CHEK1: variants seen among roughly 807,000 people sequenced by gnomAD.
CHEK1 encodes serine/threonine-protein kinase Chk1.
Under a neutral mutation model 60.2 loss-of-function variants are expected in CHEK1, and 32 were observed. The observed-to-expected ratio is 0.53, with a 90% CI of 0.40 to 0.71. The LOEUF is 0.71. Ranked by LOEUF, CHEK1 falls within the 30% of genes least tolerant of loss-of-function variation. The probability of loss-of-function intolerance (pLI) is 0.00; values close to 1 mark genes in which losing one functional copy is unlikely to be tolerated. For missense variants in CHEK1, 399 were observed against 564.6 expected, an observed-to-expected ratio of 0.71 and a Z score of 2.97; for synonymous variants, 179 against 187.2, an observed-to-expected ratio of 0.96 and a Z score of 0.36.
chr11:125,626,063 G>A (rs926035316), intron 1 of CHEK1, 51 bp downstream of exon 1: 5 of 683,612 alleles, frequency 7.3e-6, no homozygotes, highest in African/African-American at 1.8e-5. Flanking sequence ...GAAGGAGTTC[G>A]GGGTCTAGAT....
In CHEK1 at chr11:125,657,070, T is replaced by G. The variant is rs180885007; in HGVS notation, c.*1750T>G. ...ATAATAAGTTGCCTTAATTTTCCTG[T>G]AATGTTCATTATATTGTTGTGGGAA... On this transcript the variant is annotated 3_prime_UTR_variant, in exon 13 of 13. Transcript: ENST00000438015. The G allele has an allele frequency of 1.8e-4, 33 of 182,254 alleles. No homozygotes were observed. Among genetic ancestry groups the G allele is most frequent in the Admixed American group, 6.9e-4 (11 of 15,938 alleles). 11.3% of individuals were successfully genotyped at this position (182,254 alleles called of 1,614,324 possible). A position where few individuals can be genotyped will look rare whatever the true frequency, so the allele number is the denominator to read the frequency against.
chr11:125,626,240 G>A (rs890619486), intron 1 of CHEK1: 1 of 575,940 alleles, frequency 1.7e-6, no homozygotes, highest in African/African-American at 1.9e-5. Context: ...AGAACCCCAA[G>A]GAAGAGTCCC....
chr11:125,665,271 A>T (rs1942079806), intron 13 of CHEK1, among the ~76,000 whole-genome samples: 2 of 133,790 alleles, frequency 1.5e-5, no homozygotes, highest in African/African-American at 2.8e-5. Context: ...ATTGATGTTG[A>T]TATGTCATGT....
At chr11:125,658,821 G>C (rs1296060056), downstream of CHEK1, among the ~76,000 whole-genome samples, 2 of 151,014 alleles carry the variant, frequency 1.3e-5, no homozygotes, top group Non-Finnish European at 3.0e-5. Flanking sequence ...TTCTGAGCTG[G>C]GACTATAGCC....
At chr11:125,659,609 T>C (rs1231247213), downstream of CHEK1, among the ~76,000 whole-genome samples, 1 of 152,198 alleles carries the variant, frequency 6.6e-6, no homozygotes, top group African/African-American at 2.4e-5. Context: ...TTATATGATT[T>C]ATTTTTTGAT....
chr11:125,667,057 A>G (rs1417407197), intron 13 of CHEK1, among the ~76,000 whole-genome samples: 1 of 151,474 alleles, frequency 6.6e-6, no homozygotes, highest in Non-Finnish European at 1.5e-5. Flanking sequence ...ATTACATGGG[A>G]TAATTTCACG....
downstream of CHEK1, among the ~76,000 whole-genome samples, chr11:125,660,939 C>T (rs1942001833): frequency 6.6e-6 from 1 of 151,956 alleles, no homozygotes; most frequent in African/African-American, 2.4e-5. Flanking sequence ...CTACGCCTGG[C>T]TAATTTTTGT....
chr11:125,634,358 A>G (rs1179669990), intron 6 of CHEK1, among the ~76,000 whole-genome samples: 1 of 151,194 alleles, frequency 6.6e-6, no homozygotes, highest in Non-Finnish European at 1.5e-5. Flanking sequence ...GTCTCACTCT[A>G]TTGCCCAGGC....
Position 125,635,482 on chromosome 11 carries a change from G to GAA in CHEK1, c.675_676dup (p.Thr226LysfsTer15). ...CTGTCAGGAGTATTCTGACTGGAAA[G>GAA]AAAAAAAAACATACCTCAACCCTTG... On this transcript the variant is annotated frameshift_variant, in exon 7 of 13. Transcript: ENST00000438015. LOFTEE classifies it high-confidence loss of function. The GAA allele has an allele frequency of 1.3e-6, 2 of 1,576,794 alleles. No homozygotes were observed. Among genetic ancestry groups the GAA allele is most frequent in the South Asian group, 1.1e-5 (1 of 87,408 alleles).
At chr11:125,634,129 G>A (rs1275130939) in intron 6 of CHEK1, among the ~76,000 whole-genome samples, 1 of 151,302 alleles carries the variant, frequency 6.6e-6, no homozygotes, top group East Asian at 1.9e-4. Flanking sequence ...CAAGTAGCTG[G>A]GATTACAGGC....
At chr11:125,667,281 G>A (rs1282660778) in intron 13 of CHEK1, among the ~76,000 whole-genome samples, 1 of 152,054 alleles carries the variant, frequency 6.6e-6, no homozygotes, top group Non-Finnish European at 1.5e-5. Flanking sequence ...CTCGCATTAG[G>A]TCACTTAGTA....
At chr11:125,638,721 T>G (rs1941168512) in intron 8 of CHEK1, among the ~76,000 whole-genome samples, 1 of 152,098 alleles carries the variant, frequency 6.6e-6, no homozygotes. Flanking sequence ...CCTTTATGTC[T>G]CTCCCCTCTA....
In CHEK1 at chr11:125,641,213, A is replaced by G. The variant is rs180802048; in HGVS notation, c.815-2579A>G. On this transcript the variant is annotated intron_variant, in intron 8 of 12. Transcript: ENST00000438015. ...AGACCTCTTGTTTTATCTCATCAAT[A>G]TTTTATACAGTTGATCATGCCCTCC... is the stretch of plus-strand genomic sequence containing the variant. Among the ~76,000 whole-genome samples, 8 of 152,210 alleles carry G rather than the reference A, an allele frequency of 5.3e-5. No homozygotes were observed. The East Asian group carries it at 1.5e-3, about 29-fold the overall frequency.
chr11:125,637,319 T>C (rs1199531432), intron 7 of CHEK1, 130 bp from the exon 8 acceptor site: 1 of 604,244 alleles, frequency 1.7e-6, no homozygotes, highest in African/African-American at 1.9e-5. Context: ...TTAGTAGCTT[T>C]AATTCTTTCT....
rs189829306 is a variant in CHEK1, at chr11:125,656,102, G to A, written c.*782G>A. On this transcript the variant is annotated 3_prime_UTR_variant, in exon 13 of 13. Coordinates refer to ENST00000438015, the MANE Select transcript of CHEK1 (RefSeq NM_001114122.3). ...ATAAAAGAGGGAAGGGAAGAGTAAG[G>A]AAGCTATAAGAAAAATAGATCTGAT... 232 of 211,394 alleles carry A rather than the reference G, an allele frequency of 1.1e-3. No individual in the cohort carries two copies. The highest frequency in any genetic ancestry group is 4.6e-3 in the African/African-American group (204 of 44,296). The allele number at this position is 211,394 out of a possible 1,614,324, so 13.1% of individuals were successfully genotyped here.
chr11:125,639,274 G>A (rs1244905319), intron 8 of CHEK1, among the ~76,000 whole-genome samples: 1 of 151,890 alleles, frequency 6.6e-6, no homozygotes, highest in Non-Finnish European at 1.5e-5. Flanking sequence ...TTAAATTCAG[G>A]ATTACTAATC....
rs368960589 is a variant in CHEK1, at chr11:125,629,212, T to C, written c.290-20T>C. The C allele has an allele frequency of 2.5e-6, 4 of 1,612,530 alleles. No homozygotes were observed. In the African/African-American group the frequency reaches 4.0e-5, roughly 16 times the overall value. On this transcript the variant is annotated intron_variant, in intron 3 of 12. Coordinates refer to ENST00000438015, the MANE Select transcript of CHEK1 (RefSeq NM_001114122.3). Reference sequence around the variant, plus strand: ...CCTGATTATATTTAGTCAATAAACTTACTTTCATATTTGTTTTAGAGCCAG... The same window carrying C: ...CCTGATTATATTTAGTCAATAAACTCACTTTCATATTTGTTTTAGAGCCAG...
chr11:125,636,263 A>G (rs1941071066), intron 7 of CHEK1: 1 of 152,194 alleles, frequency 6.6e-6, no homozygotes, highest in South Asian at 2.1e-4. Context: ...GTGCGCAGCG[A>G]ACATTCTTCC....
Position 125,653,512 on chromosome 11 carries a change from G to C in CHEK1, c.1234-234G>C, listed in dbSNP as rs958097119. 2.6e-5 allele frequency among the ~76,000 whole-genome samples: 4 copies of C among 152,216 alleles called. No homozygotes were observed. Among genetic ancestry groups the C allele is most frequent in the Non-Finnish European group, 5.9e-5 (4 of 68,026 alleles). ...CACAGTGCCTGGCCTACACTCATCT[G>C]TTGTTGGATACCTAGGTTGATTCCA... On this transcript the variant is annotated intron_variant, in intron 11 of 12. Transcript: ENST00000438015. This position sits in a 1 kb window ranked among gnomAD's most constrained non-coding sequence, Gnocchi z 4.3.
Sources: gnomAD v4.1 joint callset for allele counts (sites outside exome capture counted in the v4.1 genomes callset) on GRCh38, gnomAD v4.1.1 for gene constraint, Gnocchi (gnomAD v3.1) non-coding constraint, MANE v1.5 for transcripts, NCBI Gene and HGNC (gene_info 2026-07-23, HGNC 2026-07-21) for gene names.